COL21A1: variants seen among roughly 807,000 people sequenced by gnomAD.
COL21A1 encodes collagen alpha-1(XXI) chain.
In COL21A1, 149 loss-of-function variants were observed where a neutral mutation model predicts 137.9. That is an observed-to-expected ratio of 1.08 (90% CI 0.95 to 1.24). The LOEUF is 1.24. Among genes scored for constraint, COL21A1 ranks in the 50% most tolerant of loss-of-function variants. COL21A1 has a pLI of 0.00. For synonymous variants in COL21A1, 456 were observed against 391.5 expected, an observed-to-expected ratio of 1.16 and a Z score of -1.95; for missense variants, 1,167 against 1,158.4, an observed-to-expected ratio of 1.01 and a Z score of -0.11.
intron 1 of COL21A1, among the ~76,000 whole-genome samples, chr6:56,291,647 C>A (rs941682698): frequency 1.6e-4 from 25 of 152,346 alleles, no homozygotes; most frequent in Admixed American, 1.4e-3. Context: ...GTAACTGGCA[C>A]AGCTACTGAA....
chr6:56,285,706 G>T (rs1028851388), intron 1 of COL21A1, among the ~76,000 whole-genome samples: 1 of 151,844 alleles, frequency 6.6e-6, no homozygotes, highest in Admixed American at 6.6e-5. Context: ...CCCTCCTAAG[G>T]CTCCCTTATC....
rs201631863 is a variant in COL21A1, at chr6:56,138,329, T to TTA, written c.1542+3454_1542+3455dup. Among the ~76,000 whole-genome samples, 637 of 149,474 alleles carry TTA rather than the reference T, an allele frequency of 4.3e-3. 2 individuals carry two copies. Among genetic ancestry groups the TTA allele is most frequent in the Non-Finnish European group, 5.5e-3 (371 of 67,476 alleles). ...ATTATAAAATATATGCATATATATT[T>TTA]TATATATACATTTATATCCATATAT... On this transcript the variant is annotated intron_variant, in intron 12 of 29. Coordinates refer to ENST00000244728, the MANE Select transcript of COL21A1 (RefSeq NM_030820.4).
At chr6:56,352,019 A>G (rs1328750692) in intron 1 of COL21A1, among the ~76,000 whole-genome samples, 1 of 152,206 alleles carries the variant, frequency 6.6e-6, no homozygotes, top group Non-Finnish European at 1.5e-5. Flanking sequence ...CTGTAGTCCC[A>G]GCTACTCAGG....
chr6:56,228,362 C>T (rs897487797), intron 1 of COL21A1, among the ~76,000 whole-genome samples: 5 of 151,676 alleles, frequency 3.3e-5, no homozygotes, highest in South Asian at 2.1e-4. Context: ...GGAGTTAAAA[C>T]GGGCCAGGTC....
chr6:56,259,493 T>A (rs1345606960), intron 1 of COL21A1, among the ~76,000 whole-genome samples: 1 of 152,260 alleles, frequency 6.6e-6, no homozygotes, highest in African/African-American at 2.4e-5. Context: ...AATGTTAGGA[T>A]ATGTTTTCAG....
intron 12 of COL21A1, among the ~76,000 whole-genome samples, chr6:56,135,044 A>G (rs1052808439): frequency 2.0e-5 from 3 of 152,178 alleles, no homozygotes; most frequent in Non-Finnish European, 4.4e-5. Flanking sequence ...TAATAAAATT[A>G]CAAAAATAAA....
At chr6:56,126,012 A>G (rs1030221154) in intron 13 of COL21A1, 84 bp downstream of exon 13, 12 of 736,766 alleles carry the variant, frequency 1.6e-5, no homozygotes, top group Non-Finnish European at 4.4e-6. Flanking sequence ...ACATTTATTT[A>G]TAACATATTT....
chr6:56,305,281 A>G (rs1764415968), intron 1 of COL21A1, among the ~76,000 whole-genome samples: 1 of 152,052 alleles, frequency 6.6e-6, no homozygotes, highest in Admixed American at 6.6e-5. Context: ...CAATTCCTGC[A>G]TATCCTTGTC....
At chr6:56,199,800 CA>C (rs1582623572) in intron 1 of COL21A1, among the ~76,000 whole-genome samples, 1 of 152,256 alleles carries the variant, frequency 6.6e-6, no homozygotes, top group East Asian at 1.9e-4. Flanking sequence ...CAACGACAAA[CA>C]TTTATTAAGT....
chr6:56,297,081 C>A (rs1288706330), intron 1 of COL21A1, among the ~76,000 whole-genome samples: 1 of 151,960 alleles, frequency 6.6e-6, no homozygotes, highest in African/African-American at 2.4e-5. Context: ...ATTAAATTGC[C>A]AATCTCCCAT....
At chr6:56,287,725 T>C (rs1763949215) in intron 1 of COL21A1, among the ~76,000 whole-genome samples, 1 of 152,100 alleles carries the variant, frequency 6.6e-6, no homozygotes, top group African/African-American at 2.4e-5. Context: ...AATGGACTAA[T>C]ACAGAGGAAA....
intron 12 of COL21A1, among the ~76,000 whole-genome samples, chr6:56,140,306 A>G (rs1299898563): frequency 6.6e-6 from 1 of 152,196 alleles, no homozygotes; most frequent in East Asian, 1.9e-4. Flanking sequence ...TTGCAAATTC[A>G]GGAAAAAACA....
At chr6:56,154,883 C>G (rs1182175653) in intron 10 of COL21A1, among the ~76,000 whole-genome samples, 2 of 151,876 alleles carry the variant, frequency 1.3e-5, no homozygotes, top group African/African-American at 4.8e-5. Flanking sequence ...AGCCTCCCTA[C>G]TTTTTAAGAA....
intron 1 of COL21A1, among the ~76,000 whole-genome samples, chr6:56,287,819 A>T (rs991472184): frequency 2.6e-5 from 4 of 152,072 alleles, no homozygotes; most frequent in Admixed American, 2.6e-4. Context: ...AAGGGTTCTT[A>T]CAAGTAGAAG....
intron 17 of COL21A1, among the ~76,000 whole-genome samples, chr6:56,094,775 A>C (rs2114222061): frequency 6.6e-6 from 1 of 152,308 alleles, no homozygotes; most frequent in African/African-American, 2.4e-5. Flanking sequence ...ACAGGCAATT[A>C]GGAGGTGTAA....
chr6:56,356,642 T>A (rs532115527), intron 1 of COL21A1, among the ~76,000 whole-genome samples: 24 of 152,208 alleles, frequency 1.6e-4, no homozygotes, highest in Non-Finnish European at 3.4e-4. Flanking sequence ...GGCACACGCC[T>A]GGGAAAATTT....
At chr6:56,090,852 T>C (rs569258990) in intron 17 of COL21A1, among the ~76,000 whole-genome samples, 9 of 152,260 alleles carry the variant, frequency 5.9e-5, no homozygotes, top group Admixed American at 2.6e-4. Context: ...ATAGCAGATA[T>C]ATGAGTTTCA....
chr6:56,103,178 A>G (rs957385293), intron 16 of COL21A1, among the ~76,000 whole-genome samples: 5 of 152,176 alleles, frequency 3.3e-5, no homozygotes, highest in African/African-American at 1.2e-4. Flanking sequence ...CTTCTTCAGA[A>G]TATAAAATTT....
At chr6:56,061,494 T>C (rs1242490962) in intron 25 of COL21A1, among the ~76,000 whole-genome samples, 155 bp downstream of exon 25, 1 of 152,128 alleles carries the variant, frequency 6.6e-6, no homozygotes, top group Non-Finnish European at 1.5e-5. Context: ...ATGTACATAT[T>C]CTGAAAACAA....
Sources: gnomAD v4.1 joint callset for allele counts (sites outside exome capture counted in the v4.1 genomes callset) on GRCh38, gnomAD v4.1.1 for gene constraint, MANE v1.5 for transcripts, NCBI Gene and HGNC (gene_info 2026-07-23, HGNC 2026-07-21) for gene names.